GALNT13: variants seen among roughly 807,000 people sequenced by gnomAD.
GALNT13 encodes UDP-GalNAc:polypeptide N-acetylgalactosaminyltransferase 13.
Under a neutral mutation model 64.2 loss-of-function variants are expected in GALNT13, and 28 were observed. That is an observed-to-expected ratio of 0.44 (90% confidence interval 0.32 to 0.60). The LOEUF is 0.60. Ranked by LOEUF, GALNT13 falls within the 20% of genes least tolerant of loss-of-function variation. The pLI is 0.05. For synonymous variants in GALNT13, 214 were observed against 224.6 expected (o/e 0.95, Z 0.42); for missense variants, 577 against 669.8 (o/e 0.86, Z 1.53).
At chr2:153,599,801 A>G in the GALNT13 span, among the ~76,000 whole-genome samples, 1 of 151,992 alleles carries the variant, frequency 6.6e-6, no homozygotes, top group South Asian at 2.1e-4. Flanking sequence ...CTGAAAAAAC[A>G]TAATTTATGC....
In GALNT13 at chr2:154,451,932, A is replaced by G. The variant is rs1158507951; in HGVS notation, c.*1381A>G. Reference sequence around the variant, plus strand: ...AGAAGATTCCACTTCTTTGGTCCTCATCTTTACTTAAAAAGCTCTTATAGA... The same window carrying G: ...AGAAGATTCCACTTCTTTGGTCCTCGTCTTTACTTAAAAAGCTCTTATAGA... On this transcript the variant is annotated 3_prime_UTR_variant, in exon 13 of 13. Transcript: ENST00000392825. 1.3e-5 allele frequency: 2 copies of G among 152,112 alleles called. No homozygotes were observed. Among genetic ancestry groups the G allele is most frequent in the Admixed American group, 1.3e-4 (2 of 15,244 alleles). 9.4% of individuals were successfully genotyped at this position (152,112 alleles called of 1,614,324 possible). A position where few individuals can be genotyped will look rare whatever the true frequency, so the allele number is the denominator to read the frequency against.
the GALNT13 span, among the ~76,000 whole-genome samples, chr2:153,484,593 C>A: frequency 6.6e-6 from 1 of 152,246 alleles, no homozygotes; most frequent in South Asian, 2.1e-4. Flanking sequence ...CATGCAAACA[C>A]CCATTTTATC....
chr2:153,792,627 A>T, the GALNT13 span, among the ~76,000 whole-genome samples: 1 of 152,088 alleles, frequency 6.6e-6, no homozygotes, highest in Non-Finnish European at 1.5e-5. Flanking sequence ...ACATTTTTCC[A>T]GGCATGATTT....
At chr2:153,195,204 C>G in the GALNT13 span, among the ~76,000 whole-genome samples, 24,710 of 152,008 alleles carry the variant, frequency 0.16, 2,144 homozygotes, top group African/African-American at 0.18. Flanking sequence ...GTTACGGGAT[C>G]TTTGGGTGTC....
chr2:154,235,018 T>TTTTG (rs1689119655), intron 4 of GALNT13, among the ~76,000 whole-genome samples: 1 of 152,128 alleles, frequency 6.6e-6, no homozygotes, highest in Admixed American at 6.6e-5. Context: ...ATTCCTTGGC[T>TTTTG]TCCTGTTCCT....
intron 3 of GALNT13, among the ~76,000 whole-genome samples, chr2:154,059,570 A>G (rs754637844): frequency 3.9e-5 from 6 of 152,212 alleles, no homozygotes; most frequent in Admixed American, 6.5e-5. Context: ...AAAATGTGTG[A>G]TGCTATCTTA....
the GALNT13 span, among the ~76,000 whole-genome samples, chr2:153,723,747 G>A: frequency 2.6e-5 from 4 of 151,620 alleles, no homozygotes; most frequent in Non-Finnish European, 4.4e-5. Context: ...CAACTTACAA[G>A]GGATGTGAAG....
chr2:154,161,805 C>T (rs1337331402), intron 4 of GALNT13, among the ~76,000 whole-genome samples: 11 of 149,574 alleles, frequency 7.4e-5, no homozygotes, highest in Non-Finnish European at 1.2e-4. Context: ...TGTTTTCAGA[C>T]GGTCTCGCTC....
the GALNT13 span, among the ~76,000 whole-genome samples, chr2:153,534,576 G>A: frequency 6.8e-6 from 1 of 147,316 alleles, no homozygotes; most frequent in Admixed American, 6.8e-5. Flanking sequence ...CCTGGGTGCA[G>A]GCGGGCCAAG....
At chr2:153,818,559 GC>G in the GALNT13 span, among the ~76,000 whole-genome samples, 1 of 152,200 alleles carries the variant, frequency 6.6e-6, no homozygotes. Context: ...TGGGGTCCCA[GC>G]ATAGTGACTC....
chr2:154,230,133 A>C (rs747927546), intron 4 of GALNT13, among the ~76,000 whole-genome samples: 12 of 152,238 alleles, frequency 7.9e-5, no homozygotes, highest in Non-Finnish European at 1.8e-4. Flanking sequence ...GGTAAAAAAC[A>C]TGAGCCCCTG....
At chr2:153,213,700 C>T in the GALNT13 span, among the ~76,000 whole-genome samples, 1 of 152,140 alleles carries the variant, frequency 6.6e-6, no homozygotes, top group Non-Finnish European at 1.5e-5. Context: ...CATCTGATTT[C>T]AGTCAGTTTT....
the GALNT13 span, among the ~76,000 whole-genome samples, chr2:153,791,203 T>TGGACAAAAA: frequency 6.6e-6 from 1 of 152,070 alleles, no homozygotes; most frequent in Admixed American, 6.5e-5. Flanking sequence ...CATTAAAGTG[T>TGGACAAAAA]GGACAAAAAC....
intron 3 of GALNT13, among the ~76,000 whole-genome samples, chr2:154,119,934 C>A (rs1681835351): frequency 6.6e-6 from 1 of 152,040 alleles, no homozygotes; most frequent in African/African-American, 2.4e-5. Context: ...ATATTTATTT[C>A]TTTTGGATTT....
intron 9 of GALNT13, among the ~76,000 whole-genome samples, chr2:154,334,851 C>T (rs1358275287): frequency 6.6e-6 from 1 of 151,958 alleles, no homozygotes; most frequent in Non-Finnish European, 1.5e-5. Context: ...CACCCAGTTG[C>T]CCTTTGAGAT....
chr2:153,489,240 G>GTAA, the GALNT13 span, among the ~76,000 whole-genome samples: 74 of 152,228 alleles, frequency 4.9e-4, no homozygotes, highest in African/African-American at 1.7e-3. Context: ...ACATATCCAT[G>GTAA]TAATAAAACT....
At chr2:154,306,361 T>C (rs1301673017) in intron 9 of GALNT13, among the ~76,000 whole-genome samples, 2 of 151,952 alleles carry the variant, frequency 1.3e-5, no homozygotes, top group Non-Finnish European at 2.9e-5. Flanking sequence ...CCATGTGTTC[T>C]CATTGTTCAC....
At chr2:154,097,541 T>C (rs1050727517) in intron 3 of GALNT13, among the ~76,000 whole-genome samples, 1 of 152,012 alleles carries the variant, frequency 6.6e-6, no homozygotes, top group African/African-American at 2.4e-5. Flanking sequence ...TTAAAACATA[T>C]CTCCAGAAAT....
chr2:154,233,435 C>A (rs919044816), intron 4 of GALNT13, among the ~76,000 whole-genome samples: 5 of 152,132 alleles, frequency 3.3e-5, no homozygotes, highest in Admixed American at 6.6e-5. Context: ...ACGTGAGCAA[C>A]TTACCCTCCT....
Sources: gnomAD v4.1 joint callset for allele counts (sites outside exome capture counted in the v4.1 genomes callset) on GRCh38, gnomAD v4.1.1 for gene constraint, MANE v1.5 for transcripts, NCBI Gene and HGNC (gene_info 2026-07-23, HGNC 2026-07-21) for gene names.